The following ANAPC1 variants were observed in gnomAD, a reference collection of about 807,000 sequenced individuals.
The protein encoded by ANAPC1 is anaphase promoting complex subunit 1.
In ANAPC1, 36 loss-of-function variants were observed where a neutral mutation model predicts 208.0. The observed-to-expected ratio is 0.17, with a 90% CI of 0.13 to 0.23. The LOEUF (loss-of-function observed/expected upper bound fraction) is 0.23. Ranked by LOEUF, ANAPC1 falls within the 10% of genes least tolerant of loss-of-function variation. The pLI, the probability that ANAPC1 is intolerant of heterozygous loss-of-function variation, is 1.00. For synonymous variants in ANAPC1, 378 were observed against 695.2 expected, an observed-to-expected ratio of 0.54 and a Z score of 7.18; for missense variants, 942 against 2,011.6, an observed-to-expected ratio of 0.47 and a Z score of 10.17.
intron 24 of ANAPC1, among the ~76,000 whole-genome samples, chr2:111,824,051 A>G (rs1304178918): frequency 1.3e-5 from 2 of 150,936 alleles, no homozygotes; most frequent in African/African-American, 4.9e-5. Flanking sequence ...TAAATTTCAT[A>G]ATACTATGCA....
intron 6 of ANAPC1, among the ~76,000 whole-genome samples, chr2:111,869,296 T>C (rs992364829): frequency 6.6e-6 from 1 of 151,940 alleles, no homozygotes; most frequent in Non-Finnish European, 1.5e-5. Context: ...CCAGCTGGAG[T>C]GCAGTGATGT....
At position 111,843,433 on chromosome 2, in the gene ANAPC1, G is replaced by A. The variant is rs1483626535; in HGVS notation, c.2019C>T (p.Asp673=). 1 of 1,611,926 alleles carries A rather than the reference G, an allele frequency of 6.2e-7. No homozygotes were observed. Among genetic ancestry groups the A allele is most frequent in the Non-Finnish European group, 8.5e-7 (1 of 1,179,852 alleles). Reference sequence around the variant, plus strand: ...TTACATTTCTAGTCCATGCTAAGCGGTCTGTGTTATAACCCATCATGTTCA... The same window carrying A: ...TTACATTTCTAGTCCATGCTAAGCGATCTGTGTTATAACCCATCATGTTCA... The part of the protein sequence containing the change: ...CLMNMMGYNT[D]RLAWTRNFDF... The change falls in exon 17 of 48, where the codon GAC becomes GAT. Residue 673 remains aspartate (D), a synonymous_variant. Transcript: ENST00000341068.
At chr2:111,791,305 G>T (rs1316152005) in intron 38 of ANAPC1, among the ~76,000 whole-genome samples, 2 of 149,804 alleles carry the variant, frequency 1.3e-5, no homozygotes, top group Non-Finnish European at 3.0e-5. Context: ...CAAGGATATG[G>T]AACAACTGGA....
chr2:111,828,284 A>G (rs898847068), intron 21 of ANAPC1, among the ~76,000 whole-genome samples: 1 of 152,172 alleles, frequency 6.6e-6, no homozygotes, highest in Non-Finnish European at 1.5e-5. Flanking sequence ...AAATAATAAT[A>G]TGTGTTGGCA....
intron 29 of ANAPC1, among the ~76,000 whole-genome samples, chr2:111,807,654 T>C (rs1573365953): frequency 6.6e-6 from 1 of 151,980 alleles, no homozygotes; most frequent in Non-Finnish European, 1.5e-5. Flanking sequence ...ATTGCACCAC[T>C]GTACTCCAGG....
chr2:111,849,235 T>C (rs1681260620), intron 14 of ANAPC1, among the ~76,000 whole-genome samples: 2 of 152,268 alleles, frequency 1.3e-5, no homozygotes, highest in South Asian at 4.1e-4. Flanking sequence ...TCAGCCAATG[T>C]GTTAAGACTA....
intron 21 of ANAPC1, 22 bp downstream of exon 21, chr2:111,831,264 T>C: frequency 6.4e-7 from 1 of 1,569,502 alleles, no homozygotes; most frequent in Non-Finnish European, 8.6e-7. Context: ...AGGAGATAGG[T>C]AGTAACACTC....
chr2:111,870,040 G>T (rs1189032973), intron 6 of ANAPC1, among the ~76,000 whole-genome samples: 1 of 152,186 alleles, frequency 6.6e-6, no homozygotes, highest in Admixed American at 6.5e-5. Context: ...TGCTGCAAAA[G>T]ACATTATTTC....
intron 3 of ANAPC1, 59 bp from the exon 4 acceptor site, chr2:111,873,723 C>G (rs1441981257): frequency 6.8e-7 from 1 of 1,470,062 alleles, no homozygotes; most frequent in Non-Finnish European, 9.0e-7. Context: ...CATCTATTAA[C>G]TAATGGCATC....
At chr2:111,836,307 A>AT (rs1400812505) in intron 18 of ANAPC1, among the ~76,000 whole-genome samples, 1 of 151,982 alleles carries the variant, frequency 6.6e-6, no homozygotes, top group Non-Finnish European at 1.5e-5. Context: ...TTAAATTAAA[A>AT]GAAATTAAAA....
intron 10 of ANAPC1, among the ~76,000 whole-genome samples, chr2:111,860,243 G>A (rs1302132907): frequency 6.6e-6 from 1 of 151,920 alleles, no homozygotes; most frequent in Non-Finnish European, 1.5e-5. Context: ...AGGCTGCAGT[G>A]AGCTGTGATT....
chr2:111,773,716 A>G (rs1418859144), intron 46 of ANAPC1, among the ~76,000 whole-genome samples: 2 of 151,946 alleles, frequency 1.3e-5, no homozygotes, highest in South Asian at 4.2e-4. Context: ...GGTTCTAGGG[A>G]GGGAAAACAG....
chr2:111,857,857 A>C (rs972036577), intron 11 of ANAPC1, among the ~76,000 whole-genome samples: 1 of 152,224 alleles, frequency 6.6e-6, no homozygotes, highest in Non-Finnish European at 1.5e-5. Flanking sequence ...ACAATGGACT[A>C]TTACATAGCA....
intron 1 of ANAPC1, among the ~76,000 whole-genome samples, chr2:111,882,642 C>G (rs1027443344): frequency 2.7e-5 from 4 of 149,492 alleles, no homozygotes; most frequent in South Asian, 2.1e-4. Context: ...GAGGCTAAGG[C>G]AAGAGAATCG....
downstream of ANAPC1, chr2:111,767,050 G>A: frequency 2.2e-6 from 1 of 453,234 alleles, no homozygotes; most frequent in South Asian, 1.6e-5. Flanking sequence ...CCACCACTCT[G>A]AGTGTATGTG....
rs933185030 is a variant in ANAPC1 at position 111,872,500 on chromosome 2, G to A, written c.611+130C>T. 2.0e-5 allele frequency: 14 copies of A among 709,776 alleles called. No individual in the cohort carries two copies. In the Admixed American group the frequency reaches 3.2e-4, roughly 16 times the overall value. 44.0% of individuals were successfully genotyped at this position (709,776 alleles called of 1,614,324 possible). A position where few individuals can be genotyped will look rare whatever the true frequency, so the allele number is the denominator to read the frequency against. Reference sequence around the variant, plus strand: ...GGATACTCAACTTGTACTGAGATGAGAGAAAATGGCATATATCTATGCTGT... The same window carrying A: ...GGATACTCAACTTGTACTGAGATGAAAGAAAATGGCATATATCTATGCTGT... On this transcript the variant is annotated intron_variant, in intron 6 of 47. Transcript: ENST00000341068.
At chr2:111,825,896 A>T in intron 21 of ANAPC1, 41 bp from the exon 22 acceptor site, 2 of 1,590,554 alleles carry the variant, frequency 1.3e-6, no homozygotes, top group South Asian at 1.1e-5. Flanking sequence ...CTCTTTTCAG[A>T]GACAGCATCT....
At chr2:111,840,826 T>C (rs547146071) in intron 17 of ANAPC1, among the ~76,000 whole-genome samples, 1 of 152,318 alleles carries the variant, frequency 6.6e-6, no homozygotes, top group East Asian at 1.9e-4. Flanking sequence ...GAGGATCACT[T>C]GAGCTCAGGA....
rs1682227583 is a variant in ANAPC1 at position 111,863,803 on chromosome 2, G to A, written c.924C>T (p.Leu308=). Residue 308 remains leucine (L), a synonymous_variant, in exon 9 of 48, where the codon CTC becomes CTT. Transcript: ENST00000341068. The stretch of plus-strand genomic sequence containing the variant: ...AAGTCACAGGGGAATCTCCTTTGGA[G>A]AGGCTTCTGAGATGTGCTGTGAGGG... ...SSSLTAHLRS[L]SKGDSPVTSP... is the part of the protein sequence containing the mutation. 6.2e-7 allele frequency: 1 copy of A among 1,613,854 alleles called. No individual in the cohort carries two copies. The highest frequency in any genetic ancestry group is 1.7e-5 in the Admixed American group (1 of 59,994).
Sources: gnomAD v4.1 joint callset for allele counts (sites outside exome capture counted in the v4.1 genomes callset) on GRCh38, gnomAD v4.1.1 for gene constraint, MANE v1.5 for transcripts, NCBI Gene and HGNC (gene_info 2026-07-23, HGNC 2026-07-21) for gene names.